Variants in SRGAP3 observed in about 807,000 individuals in gnomAD.
SRGAP3 encodes SLIT-ROBO Rho GTPase-activating protein 3.
In SRGAP3, 39 loss-of-function variants were observed where a neutral mutation model predicts 121.1. The observed-to-expected ratio is 0.32, with a 90% confidence interval of 0.25 to 0.42. The LOEUF (loss-of-function observed/expected upper bound fraction) is 0.42, where lower values mean the gene tolerates loss of function less well. SRGAP3 is among the 10% of genes least tolerant of loss of function. SRGAP3 has a pLI of 1.00. For synonymous variants in SRGAP3, 601 were observed against 570.0 expected (o/e 1.05, Z -0.77); for missense variants, 1,213 against 1,470.6 (o/e 0.82, Z 2.86).
At chr3:9,010,265 GC>G (rs775875833) in intron 18 of SRGAP3, 42 bp downstream of exon 18, 8 of 1,608,770 alleles carry the variant, frequency 5.0e-6, no homozygotes, top group Middle Eastern at 3.3e-4. Flanking sequence ...AGTGTGAGAG[GC>G]CCCAGGAAGA....
intron 1 of SRGAP3, among the ~76,000 whole-genome samples, chr3:9,136,473 G>A (rs868750061): frequency 2.1e-5 from 3 of 146,092 alleles, no homozygotes; most frequent in African/African-American, 7.7e-5. Context: ...GGGCTCCTAA[G>A]CCATCTCTTC....
At chr3:9,288,082 C>T (rs1231026905) in intron 3 of SRGAP3, among the ~76,000 whole-genome samples, 1 of 150,532 alleles carries the variant, frequency 6.6e-6, no homozygotes, top group Non-Finnish European at 1.5e-5. Context: ...ACTAATTATA[C>T]ATTTCAATAT....
rs71626912 is a variant in SRGAP3, at chr3:9,268,296, GTCTCTC to G, written n.442+57708_442+57713del. Among the ~76,000 whole-genome samples, 544 of 147,658 alleles carry G rather than the reference GTCTCTC, an allele frequency of 3.7e-3. 1 individual carries two copies. The highest frequency in any genetic ancestry group is 0.012 in the African/African-American group (468 of 39,954). ...TTATAAGAAGAGACCAGAGAGAAGA[GTCTCTC>G]TCTCTCTCTCTCTCTCTCTCTTTCT... On this transcript the variant is annotated intron_variant and non_coding_transcript_variant, in intron 3 of 3. Coordinates refer to the SRGAP3 transcript ENST00000490889.
At chr3:9,039,692 A>T (rs1944930396) in intron 10 of SRGAP3, among the ~76,000 whole-genome samples, 1 of 152,226 alleles carries the variant, frequency 6.6e-6, no homozygotes, top group Non-Finnish European at 1.5e-5. Flanking sequence ...CTGTCTCTAC[A>T]GATTTGCGTA....
At chr3:9,169,781 T>C (rs1178527376) in intron 1 of SRGAP3, among the ~76,000 whole-genome samples, 1 of 152,192 alleles carries the variant, frequency 6.6e-6, no homozygotes, top group African/African-American at 2.4e-5. Flanking sequence ...AATCACTAAA[T>C]TGGAGTTCCC....
intron 15 of SRGAP3, among the ~76,000 whole-genome samples, chr3:9,015,229 T>G (rs903182241): frequency 1.2e-4 from 19 of 152,136 alleles, no homozygotes; most frequent in Admixed American, 6.5e-5. Flanking sequence ...TCTTGCACCA[T>G]GCACAGGCTG....
intron 3 of SRGAP3, among the ~76,000 whole-genome samples, chr3:9,300,281 T>C (rs1955034782): frequency 9.0e-6 from 1 of 111,724 alleles, no homozygotes; most frequent in South Asian, 3.2e-4. Flanking sequence ...TGGAGTACAG[T>C]CATACTAAAA....
intron 3 of SRGAP3, among the ~76,000 whole-genome samples, chr3:9,305,123 A>C (rs568278959): frequency 1.4e-4 from 21 of 152,328 alleles, no homozygotes; most frequent in Middle Eastern, 3.4e-3. Flanking sequence ...AGAAGGATAA[A>C]GGAGTGAGGG....
intron 3 of SRGAP3, among the ~76,000 whole-genome samples, chr3:9,089,171 G>C (rs1047118898): frequency 8.6e-5 from 13 of 151,968 alleles, no homozygotes; most frequent in Non-Finnish European, 1.5e-4. Flanking sequence ...TTACAGGTAT[G>C]AGTCACGGTG....
chr3:9,234,039 T>C (rs1953317726), intron 1 of SRGAP3, among the ~76,000 whole-genome samples: 1 of 152,134 alleles, frequency 6.6e-6, no homozygotes, highest in African/African-American at 2.4e-5. Flanking sequence ...TTATGCCAAG[T>C]ACGAGATCCA....
At chr3:9,335,872 A>G (rs563216743) in intron 1 of SRGAP3, among the ~76,000 whole-genome samples, 2 of 151,594 alleles carry the variant, frequency 1.3e-5, no homozygotes, top group South Asian at 4.2e-4. Context: ...TCTTATTATT[A>G]TTTTTTTTAG....
chr3:9,101,201 A>C (rs973522189), intron 3 of SRGAP3, among the ~76,000 whole-genome samples: 2 of 152,234 alleles, frequency 1.3e-5, no homozygotes, highest in South Asian at 4.1e-4. Context: ...AGAGGCGTAC[A>C]GCTGCTGTAG....
chr3:9,130,268 C>T (rs1001576537), intron 1 of SRGAP3, among the ~76,000 whole-genome samples: 2 of 152,056 alleles, frequency 1.3e-5, no homozygotes, highest in African/African-American at 4.8e-5. Context: ...ATGAAGAAAC[C>T]AAGGCTTTAC....
intron 4 of SRGAP3, among the ~76,000 whole-genome samples, chr3:9,072,887 T>C (rs1354930940): frequency 1.3e-5 from 2 of 152,228 alleles, no homozygotes; most frequent in Non-Finnish European, 2.9e-5. Flanking sequence ...TTGCATTGTT[T>C]ACTGTACTGT....
intron 1 of SRGAP3, among the ~76,000 whole-genome samples, chr3:9,145,089 GTTTA>G (rs369462537): frequency 2.0e-5 from 3 of 151,594 alleles, no homozygotes; most frequent in African/African-American, 4.9e-5. Flanking sequence ...TCTCTCTGTT[GTTTA>G]TTTATTTATT....
At chr3:9,077,175 C>A (rs1406284150) in intron 4 of SRGAP3, among the ~76,000 whole-genome samples, 15 of 149,242 alleles carry the variant, frequency 1.0e-4, no homozygotes, top group Admixed American at 8.0e-4. Flanking sequence ...TATCTCTCTG[C>A]CCAGATTCCA....
intron 1 of SRGAP3, among the ~76,000 whole-genome samples, chr3:9,331,311 GTAA>G (rs1955602321): frequency 1.3e-5 from 2 of 152,182 alleles, no homozygotes; most frequent in Admixed American, 6.5e-5. Context: ...CACAATTTAT[GTAA>G]GAGGCACTAT....
intron 3 of SRGAP3, among the ~76,000 whole-genome samples, chr3:9,102,751 C>T (rs1948268539): frequency 6.6e-6 from 1 of 152,196 alleles, no homozygotes; most frequent in Non-Finnish European, 1.5e-5. Context: ...CATTATTTTC[C>T]ACCCTGTTAA....
chr3:9,301,526 G>A (rs1955054061), intron 3 of SRGAP3, among the ~76,000 whole-genome samples: 1 of 152,230 alleles, frequency 6.6e-6, no homozygotes, highest in African/African-American at 2.4e-5. Flanking sequence ...CCACGTAAGA[G>A]CAGAAAGAAA....
Sources: gnomAD v4.1 joint callset for allele counts (sites outside exome capture counted in the v4.1 genomes callset) on GRCh38, gnomAD v4.1.1 for gene constraint, MANE v1.5 for transcripts, NCBI Gene and HGNC (gene_info 2026-07-23, HGNC 2026-07-21) for gene names.